The following DSTYK variants were observed in gnomAD, a reference collection of about 807,000 sequenced individuals.
DSTYK encodes RIP-homologous kinase.
DSTYK carries 34 observed loss-of-function variants against 98.7 expected under a neutral mutation model. The ratio of observed to expected loss-of-function variants is 0.34; its 90% CI spans 0.26 to 0.46. The LOEUF (loss-of-function observed/expected upper bound fraction) is 0.46, where lower values mean the gene tolerates loss of function less well. Among genes scored for constraint, DSTYK ranks in the 20% least tolerant of loss-of-function variants. The pLI is 1.00. For synonymous variants in DSTYK, 462 were observed against 457.3 expected, an observed-to-expected ratio of 1.01 and a Z score of -0.13; for missense variants, 962 against 1,181.7, an observed-to-expected ratio of 0.81 and a Z score of 2.73.
Position 205,147,613 on chromosome 1 carries a change from C to T in DSTYK, c.2735G>A (p.Arg912Gln), listed in dbSNP as rs778888245. 8 of 1,613,822 alleles carry T rather than the reference C, an allele frequency of 5.0e-6. No homozygotes were observed. The highest frequency in any genetic ancestry group is 4.5e-5 in the East Asian group (2 of 44,888). Residue 912 changes from arginine (R) to glutamine (Q), a missense_variant, in exon 13 of 13, where the codon CGG (arginine) becomes CAG (glutamine). By Grantham distance (43) the Arg-to-Gln change is conservative (BLOSUM62 1). Transcript: ENST00000367162. ...VQPMLQGIMNRLCKSNSEQPN... is the reference protein window; with the variant it reads ...VQPMLQGIMNQLCKSNSEQPN... ...CTGCTCAGAATTGGACTTGCAGAGC[C>T]GATTCATGATGCCCTGGAGCATGGG...
chr1:205,157,462 G>T, intron 9 of DSTYK, 76 bp from the exon 10 acceptor site: 2 of 1,206,006 alleles, frequency 1.7e-6, no homozygotes, highest in Non-Finnish European at 2.4e-6. Context: ...GGGCACATGA[G>T]GACAGAAAAG....
intron 2 of DSTYK, among the ~76,000 whole-genome samples, chr1:205,181,442 C>T (rs781162154): frequency 5.9e-5 from 9 of 152,152 alleles, no homozygotes; most frequent in Non-Finnish European, 1.2e-4. Flanking sequence ...GCAACCTCTG[C>T]CTCCCTGGTT....
intron 1 of DSTYK, among the ~76,000 whole-genome samples, chr1:205,203,616 TTTAA>T (rs1659114977): frequency 6.9e-6 from 1 of 144,164 alleles, no homozygotes; most frequent in Non-Finnish European, 1.5e-5. Context: ...CCCAATGTTT[TTTAA>T]TAGCAAGCTG....
At chr1:205,187,868 GGAGA>G in intron 1 of DSTYK, 62 bp from the exon 2 acceptor site, 1 of 1,429,436 alleles carries the variant, frequency 7.0e-7, no homozygotes, top group African/African-American at 1.4e-5. Flanking sequence ...GTGAGGAAGG[GGAGA>G]GAGAGAGACT....
rs1386309990 is a variant in DSTYK, at chr1:205,169,965, C to CA, written c.655-134_655-133insT. The CA allele has an allele frequency of 1.3e-6, 1 of 782,602 alleles. No homozygotes were observed. The highest frequency in any genetic ancestry group is 1.7e-5 in the African/African-American group (1 of 57,306). 48.5% of individuals were successfully genotyped at this position (782,602 alleles called of 1,614,324 possible). ...GGACTTCGGTACCCCAGCCATTGAT[C>CA]CACCTCCTTCCTCGGTTACCAACAC... On this transcript the variant is annotated intron_variant, in intron 2 of 12. Transcript: ENST00000367162. The surrounding 1 kb of genome is among the most constrained non-coding windows in gnomAD (Gnocchi z 4.0).
At chr1:205,201,881 G>A (rs1659051444) in intron 1 of DSTYK, among the ~76,000 whole-genome samples, 1 of 152,160 alleles carries the variant, frequency 6.6e-6, no homozygotes, top group South Asian at 2.1e-4. Context: ...CCAACATGGT[G>A]AAACCCTGTC....
chr1:205,143,144 CTTTTT>C lies in DSTYK; in HGVS notation c.*4409_*4413del, dbSNP rs1657122995. 1 of 151,336 alleles carries C rather than the reference CTTTTT, an allele frequency of 6.6e-6. No individual in the cohort carries two copies. Among genetic ancestry groups the C allele is most frequent in the African/African-American group, 2.4e-5 (1 of 41,104 alleles). The allele number at this position is 151,336 out of a possible 1,614,324, so 9.4% of individuals were successfully genotyped here. ...TAACTGAAGGATTAACCTTCTTTTT[CTTTTT>C]CTTTTTTTTTTTTTTGAGATGGAGT... On this transcript the variant is annotated 3_prime_UTR_variant, in exon 13 of 13. Transcript: ENST00000367162.
At position 205,187,634 on chromosome 1, in the gene DSTYK, C is replaced by T; in HGVS notation, c.438G>A (p.Glu146=). Residue 146 remains glutamate, a synonymous_variant, in exon 2 of 13, where the codon GAG becomes GAA. Coordinates refer to ENST00000367162, the MANE Select transcript of DSTYK (RefSeq NM_015375.3). ...VLPTTKLGSE[E]SCKLRRLRFT... is the part of the protein sequence containing the mutation. ...AGCGGAGGCGCCGAAGCTTACAGCT[C>T]TCCTCACTGCCCAGCTTGGTGGTGG... The T allele has an allele frequency of 6.2e-7, 1 of 1,614,208 alleles. No individual in the cohort carries two copies. Among genetic ancestry groups the T allele is most frequent in the South Asian group, 1.1e-5 (1 of 91,088 alleles).
chr1:205,172,303 T>TG (rs1658088932), intron 2 of DSTYK, among the ~76,000 whole-genome samples: 1 of 146,046 alleles, frequency 6.8e-6, no homozygotes, highest in Non-Finnish European at 1.5e-5. Flanking sequence ...TGTTTGTGGT[T>TG]TTTTTTTTTT....
At chr1:205,197,328 C>T (rs1658897599) in intron 1 of DSTYK, among the ~76,000 whole-genome samples, 1 of 151,962 alleles carries the variant, frequency 6.6e-6, no homozygotes, top group African/African-American at 2.4e-5. Flanking sequence ...CCTAACTGCA[C>T]TCAGCTCTCA....
chr1:205,202,369 T>C (rs1659068773), intron 1 of DSTYK: 1 of 728,374 alleles, frequency 1.4e-6, no homozygotes, highest in African/African-American at 1.7e-5. Flanking sequence ...CATGTACCAT[T>C]CCAACATTAC....
At position 205,211,635 on chromosome 1, in the gene DSTYK, C is replaced by G; in HGVS notation, c.-100G>C. The G allele has an allele frequency of 7.2e-7, 1 of 1,381,830 alleles. No individual in the cohort carries two copies. Among genetic ancestry groups the G allele is most frequent in the Non-Finnish European group, 9.4e-7 (1 of 1,068,280 alleles). The allele number at this position is 1,381,830 out of a possible 1,614,324, so 85.6% of individuals were successfully genotyped here. A position where few individuals can be genotyped will look rare whatever the true frequency, so the allele number is the denominator to read the frequency against. ...GCCGAAGGGAGGAGGAATCCGCCTCCTGACGCCCCCGCCTGCAGTCAGCCT... is the reference window on the plus strand; with the variant it reads ...GCCGAAGGGAGGAGGAATCCGCCTCGTGACGCCCCCGCCTGCAGTCAGCCT... On this transcript the variant is annotated 5_prime_UTR_variant, in exon 1 of 13. Coordinates refer to ENST00000367162, the MANE Select transcript of DSTYK (RefSeq NM_015375.3).
chr1:205,157,505 T>C, intron 9 of DSTYK, 119 bp from the exon 10 acceptor site: 1 of 754,478 alleles, frequency 1.3e-6, no homozygotes, highest in Non-Finnish European at 2.2e-6. Context: ...CCGGGCACAG[T>C]GGCTCATGCC....
chr1:205,152,247 G>A (rs771537956), intron 10 of DSTYK, among the ~76,000 whole-genome samples: 4 of 152,210 alleles, frequency 2.6e-5, no homozygotes, highest in Non-Finnish European at 2.9e-5. Context: ...GCATGATCTC[G>A]GCTCATCGCA....
intron 1 of DSTYK, among the ~76,000 whole-genome samples, chr1:205,198,076 C>T (rs533576873): frequency 6.6e-6 from 1 of 152,064 alleles, no homozygotes; most frequent in Non-Finnish European, 1.5e-5. Flanking sequence ...GCCTGTAATC[C>T]CAGCTACTCG....
At chr1:205,201,971 A>T (rs1659053362) in intron 1 of DSTYK, among the ~76,000 whole-genome samples, 2 of 151,970 alleles carry the variant, frequency 1.3e-5, no homozygotes, top group South Asian at 4.2e-4. Context: ...GAGGCAGGAG[A>T]ATTGCTTGAA....
At position 205,211,693 on chromosome 1, in the gene DSTYK, A is replaced by C; in HGVS notation, c.-158T>G. ...AACCTCCGTCACTGCCGTTGCAAACAAACCAAACCGCAGTGCGCCGCTATC... is the reference window on the plus strand; with the variant it reads ...AACCTCCGTCACTGCCGTTGCAAACCAACCAAACCGCAGTGCGCCGCTATC... On this transcript the variant is annotated 5_prime_UTR_variant, in exon 1 of 13. Coordinates refer to ENST00000367162, the MANE Select transcript of DSTYK (RefSeq NM_015375.3). The C allele has an allele frequency of 9.8e-7, 1 of 1,023,686 alleles. No individual in the cohort carries two copies. Among genetic ancestry groups the C allele is most frequent in the Non-Finnish European group, 1.3e-6 (1 of 744,654 alleles). The allele number at this position is 1,023,686 out of a possible 1,614,324, so 63.4% of individuals were successfully genotyped here. A position where few individuals can be genotyped will look rare whatever the true frequency, so the allele number is the denominator to read the frequency against.
chr1:205,169,972 C>T lies in DSTYK; in HGVS notation c.655-140G>A. The T allele has an allele frequency of 1.3e-6, 1 of 755,016 alleles. No homozygotes were observed. The highest frequency in any genetic ancestry group is 2.1e-6 in the Non-Finnish European group (1 of 479,032). 46.8% of individuals were successfully genotyped at this position (755,016 alleles called of 1,614,324 possible). Reference sequence around the variant, plus strand: ...GGTACCCCAGCCATTGATCCACCTCCTTCCTCGGTTACCAACACTCCCTGG... The same window carrying T: ...GGTACCCCAGCCATTGATCCACCTCTTTCCTCGGTTACCAACACTCCCTGG... On this transcript the variant is annotated intron_variant, in intron 2 of 12. Coordinates refer to ENST00000367162, the MANE Select transcript of DSTYK (RefSeq NM_015375.3). This position sits in a 1 kb window ranked among gnomAD's most constrained non-coding sequence, Gnocchi z 4.0.
Position 205,145,541 on chromosome 1 carries a change from T to TG in DSTYK, c.*2016_*2017insC, listed in dbSNP as rs1558594179. On this transcript the variant is annotated 3_prime_UTR_variant, in exon 13 of 13. Transcript: ENST00000367162. ...TTGTTTTTTGTTTTTTTTTTTGTTT[T>TG]TTTTTGAGATAGAGTCTCGCTCTGT... The TG allele has an allele frequency of 1.3e-5, 2 of 149,972 alleles. No homozygotes were observed. The highest frequency in any genetic ancestry group is 4.9e-5 in the African/African-American group (2 of 41,116). The allele number at this position is 149,972 out of a possible 1,614,324, so 9.3% of individuals were successfully genotyped here. A position where few individuals can be genotyped will look rare whatever the true frequency, so the allele number is the denominator to read the frequency against.
Sources: allele counts gnomAD v4.1 joint callset (sites outside exome capture counted in the v4.1 genomes callset), GRCh38; gene constraint gnomAD v4.1.1; non-coding constraint Gnocchi (gnomAD v3.1); transcripts MANE v1.5; gene names NCBI Gene and HGNC (gene_info 2026-07-23, HGNC 2026-07-21).